The following THSD4 variants were observed in gnomAD, a reference collection of about 807,000 sequenced individuals.
The protein encoded by THSD4 is thrombospondin type 1 domain containing 4.
THSD4 carries 69 observed loss-of-function variants against 119.0 expected under a neutral mutation model. That is an observed-to-expected ratio of 0.58 (90% CI 0.48 to 0.71). The LOEUF (loss-of-function observed/expected upper bound fraction) is 0.71. THSD4 is among the 30% of genes least tolerant of loss of function. The probability of loss-of-function intolerance (pLI) is 0.00; values close to 1 mark genes in which losing one functional copy is unlikely to be tolerated. For missense variants in THSD4, 1,393 were observed against 1,391.1 expected, an observed-to-expected ratio of 1.00 and a Z score of -0.02; for synonymous variants, 524 against 540.4, an observed-to-expected ratio of 0.97 and a Z score of 0.42.
At chr15:71,117,190 C>T (rs1394088716) in intron 1 of THSD4, among the ~76,000 whole-genome samples, 1 of 152,104 alleles carries the variant, frequency 6.6e-6, no homozygotes, top group African/African-American at 2.4e-5. Flanking sequence ...TCCTCTGTGC[C>T]CAGCACTGGG....
At chr15:71,763,536 C>A (rs8030081) in intron 15 of THSD4, among the ~76,000 whole-genome samples, 19,329 of 151,268 alleles carry the variant, frequency 0.13, 2,452 homozygotes, top group African/African-American at 0.32. Flanking sequence ...TATAATGAGA[C>A]CCTGTCTCTA....
intron 7 of THSD4, among the ~76,000 whole-genome samples, chr15:71,437,797 G>A (rs139390101): frequency 9.2e-4 from 140 of 152,312 alleles, no homozygotes; most frequent in African/African-American, 3.1e-3. Context: ...ATTGCCCTCC[G>A]AAGTGGTTGA....
chr15:71,559,585 T>C (rs2049079028), intron 7 of THSD4, among the ~76,000 whole-genome samples: 1 of 151,184 alleles, frequency 6.6e-6, no homozygotes, highest in Non-Finnish European at 1.5e-5. Context: ...TTGCAATAAA[T>C]GTTTATTGGG....
At chr15:71,480,156 C>G (rs2047708940) in intron 7 of THSD4, among the ~76,000 whole-genome samples, 1 of 152,182 alleles carries the variant, frequency 6.6e-6, no homozygotes, top group African/African-American at 2.4e-5. Flanking sequence ...CCCACCCAAG[C>G]CTCCCAAGTA....
chr15:71,426,099 C>T (rs560952061), intron 7 of THSD4, among the ~76,000 whole-genome samples: 1 of 152,318 alleles, frequency 6.6e-6, no homozygotes, highest in South Asian at 2.1e-4. Flanking sequence ...ATATCCTCTG[C>T]ACAACCTCTG....
chr15:71,502,142 T>G (rs1391069122), intron 7 of THSD4, among the ~76,000 whole-genome samples: 4 of 152,214 alleles, frequency 2.6e-5, no homozygotes, highest in African/African-American at 9.6e-5. Context: ...TAGAGCCCCA[T>G]TGTACAGGGA....
chr15:71,242,950 G>T lies in THSD4; in HGVS notation c.766G>T (p.Ala256Ser). Reference protein sequence around the residue: ...PLTHDQGYPAASSLFHSPETS... With the variant: ...PLTHDQGYPASSSLFHSPETS... ...GACCCATGATCAAGGCTACCCTGCA[G>T]CTTCAAGTCTCTTTCACAGCCCAGA... Residue 256 changes from alanine to serine, a missense_variant, in exon 5 of 18, where the codon GCT becomes TCT. Physicochemically the swap from Ala to Ser is moderately conservative, Grantham distance 99 (BLOSUM62 1). Coordinates refer to ENST00000261862, the MANE Select transcript of THSD4 (RefSeq NM_024817.3). The T allele has an allele frequency of 6.2e-7, 1 of 1,614,244 alleles. No individual in the cohort carries two copies. Among genetic ancestry groups the T allele is most frequent in the Non-Finnish European group, 8.5e-7 (1 of 1,180,056 alleles).
chr15:71,753,457 T>C (rs1286391750), intron 14 of THSD4, among the ~76,000 whole-genome samples: 1 of 152,246 alleles, frequency 6.6e-6, no homozygotes, highest in Non-Finnish European at 1.5e-5. Flanking sequence ...AGTTCAAGAA[T>C]AGTCATTACA....
At chr15:71,721,101 T>A (rs142117599) in intron 8 of THSD4, among the ~76,000 whole-genome samples, 3,475 of 152,274 alleles carry the variant, frequency 0.023, 119 homozygotes, top group African/African-American at 0.08. Flanking sequence ...GCATGGTGGC[T>A]CACACCTGTA....
At chr15:71,351,997 T>A (rs933630513) in intron 6 of THSD4, among the ~76,000 whole-genome samples, 1 of 152,226 alleles carries the variant, frequency 6.6e-6, no homozygotes, top group Non-Finnish European at 1.5e-5. Context: ...TACACTTGTG[T>A]AAAAGCCCCT....
chr15:71,714,790 A>T (rs2052575995), intron 8 of THSD4, among the ~76,000 whole-genome samples: 1 of 152,186 alleles, frequency 6.6e-6, no homozygotes, highest in Non-Finnish European at 1.5e-5. Context: ...AGCCAAGATC[A>T]TGCCATTGCA....
intron 2 of THSD4, among the ~76,000 whole-genome samples, chr15:71,145,390 T>C (rs1384292087): frequency 6.6e-6 from 1 of 152,204 alleles, no homozygotes; most frequent in East Asian, 1.9e-4. Flanking sequence ...ATAGATCTTA[T>C]GAGGGAGACT....
intron 7 of THSD4, among the ~76,000 whole-genome samples, chr15:71,637,408 A>T (rs1227525776): frequency 1.3e-5 from 2 of 152,184 alleles, no homozygotes; most frequent in Non-Finnish European, 1.5e-5. Flanking sequence ...AAAGAAAAAA[A>T]GGGAAACATG....
At position 71,395,606 on chromosome 15, in the gene THSD4, TG is replaced by T. The variant is rs374853003; in HGVS notation, c.1016-16079del. 1.8e-3 allele frequency among the ~76,000 whole-genome samples: 277 copies of T among 152,210 alleles called. 2 individuals carry two copies. The highest frequency in any genetic ancestry group is 6.2e-3 in the African/African-American group (258 of 41,526). On this transcript the variant is annotated intron_variant, in intron 6 of 17. Transcript: ENST00000261862. ...AAAATACAAAATTAGCTGGGCATGA[TG>T]GTGCATGCCTATAATCCCAGCTACT...
chr15:71,703,784 G>A (rs926723477), intron 8 of THSD4, among the ~76,000 whole-genome samples: 1 of 152,174 alleles, frequency 6.6e-6, no homozygotes, highest in African/African-American at 2.4e-5. Context: ...CTGGTGAGGG[G>A]CAAGGATCTT....
chr15:71,669,274 A>G (rs1033798369), intron 8 of THSD4, among the ~76,000 whole-genome samples: 1 of 152,180 alleles, frequency 6.6e-6, no homozygotes, highest in Non-Finnish European at 1.5e-5. Context: ...TTTAAATTGC[A>G]CTTGTAGTTT....
At chr15:71,426,461 G>A (rs2046870383) in intron 7 of THSD4, among the ~76,000 whole-genome samples, 1 of 151,576 alleles carries the variant, frequency 6.6e-6, no homozygotes, top group East Asian at 1.9e-4. Context: ...GTGCTCTGCT[G>A]AACCACACAA....
intron 6 of THSD4, among the ~76,000 whole-genome samples, chr15:71,392,368 T>A (rs963607229): frequency 6.6e-6 from 1 of 152,224 alleles, no homozygotes; most frequent in Non-Finnish European, 1.5e-5. Context: ...GACAAATCTT[T>A]AAGATAAGCC....
chr15:71,256,467 C>A, intron 5 of THSD4, 146 bp from the exon 6 acceptor site: 2 of 377,270 alleles, frequency 5.3e-6, no homozygotes, highest in Non-Finnish European at 4.0e-6. Flanking sequence ...AAGGGTGAGA[C>A]TCCATCTCAA....
Sources: gnomAD v4.1 joint callset for allele counts (sites outside exome capture counted in the v4.1 genomes callset) on GRCh38, gnomAD v4.1.1 for gene constraint, MANE v1.5 for transcripts, NCBI Gene and HGNC (gene_info 2026-07-23, HGNC 2026-07-21) for gene names.